The following KRABD3 variants were observed in gnomAD, a reference collection of about 807,000 sequenced individuals.
The protein encoded by KRABD3 is KRAB domain-containing protein 3.
the KRABD3 span, among the ~76,000 whole-genome samples, chr7:149,723,375 C>T: frequency 4.3e-4 from 66 of 152,320 alleles, no homozygotes; most frequent in African/African-American, 1.4e-3. Flanking sequence ...CTCACAGGGC[C>T]GCAGTGAGCT....
chr7:149,731,634 C>G, the KRABD3 span: 1 of 1,493,516 alleles, frequency 6.7e-7, no homozygotes, highest in Admixed American at 1.8e-5. Context: ...GCCAAACGAT[C>G]GTCTCCCTGC....
At chr7:149,728,792 C>T in the KRABD3 span, 11 of 1,166,012 alleles carry the variant, frequency 9.4e-6, no homozygotes, top group Non-Finnish European at 1.2e-5. Flanking sequence ...GGAAACAGAC[C>T]TGGGCAGAGC....
At chr7:149,716,821 A>G in the KRABD3 span, among the ~76,000 whole-genome samples, 2 of 152,172 alleles carry the variant, frequency 1.3e-5, no homozygotes. Flanking sequence ...ATTACTAATC[A>G]TAGCACTTAA....
At chr7:149,720,040 C>G in the KRABD3 span, 1 of 1,551,594 alleles carries the variant, frequency 6.4e-7, no homozygotes, top group Admixed American at 2.0e-5. Flanking sequence ...CTCTGCTTTC[C>G]TGTCACCCTC....
chr7:149,731,593 T>C, the KRABD3 span: 1 of 1,006,768 alleles, frequency 9.9e-7, no homozygotes, highest in Non-Finnish European at 1.5e-6. Flanking sequence ...GAGAGTTTGA[T>C]ATTGTTTTAG....
chr7:149,729,982 T>C, the KRABD3 span: 5 of 1,311,450 alleles, frequency 3.8e-6, no homozygotes, highest in Non-Finnish European at 4.8e-6. Flanking sequence ...GCTTCACTTT[T>C]GTCCTCTTTC....
At chr7:149,718,814 C>T in the KRABD3 span, among the ~76,000 whole-genome samples, 6 of 152,138 alleles carry the variant, frequency 3.9e-5, no homozygotes, top group East Asian at 5.8e-4. Context: ...CACACCCAGC[C>T]GAAGGATTAT....
At chr7:149,734,229 G>T in the KRABD3 span, 3 of 760,368 alleles carry the variant, frequency 3.9e-6, no homozygotes, top group Non-Finnish European at 6.2e-6. Context: ...TCAGGAGGCT[G>T]CTGTGGGGGT....
the KRABD3 span, chr7:149,734,045 T>G: frequency 6.2e-7 from 1 of 1,600,876 alleles, no homozygotes; most frequent in Non-Finnish European, 8.5e-7. Context: ...GGGGGCGCAT[T>G]GATGGCATTC....
At chr7:149,717,806 CT>C in the KRABD3 span, among the ~76,000 whole-genome samples, 1 of 152,200 alleles carries the variant, frequency 6.6e-6, no homozygotes, top group African/African-American at 2.4e-5. Flanking sequence ...GACAACAAGG[CT>C]GCCGGTTAGT....
chr7:149,715,345 A>C, the KRABD3 span: 2 of 1,199,210 alleles, frequency 1.7e-6, no homozygotes, highest in Non-Finnish European at 2.1e-6. Context: ...AAGGCCTCGG[A>C]GGCAGTGAGT....
At chr7:149,733,075 A>C in the KRABD3 span, 13 of 1,108,800 alleles carry the variant, frequency 1.2e-5, no homozygotes, top group East Asian at 3.1e-4. Context: ...GGCCTCACCC[A>C]CCTTCCTTCC....
At chr7:149,716,719 A>C in the KRABD3 span, among the ~76,000 whole-genome samples, 2 of 152,218 alleles carry the variant, frequency 1.3e-5, no homozygotes, top group African/African-American at 4.8e-5. Flanking sequence ...GGAGCGAGAG[A>C]GACACCGGTG....
At chr7:149,722,430 G>A in the KRABD3 span, 35 of 1,605,814 alleles carry the variant, frequency 2.2e-5, no homozygotes, top group Admixed American at 2.7e-4. Context: ...AGAAACTGCC[G>A]ACAAACCGTG....
the KRABD3 span, chr7:149,723,655 A>C: frequency 2.7e-6 from 4 of 1,460,118 alleles, no homozygotes; most frequent in Non-Finnish European, 3.7e-6. Flanking sequence ...ACGCCCTTCT[A>C]ACTTGTCCCC....
chr7:149,734,014 G>A, the KRABD3 span: 1 of 1,609,988 alleles, frequency 6.2e-7, no homozygotes, highest in South Asian at 1.1e-5. Flanking sequence ...TGTGGGGTGG[G>A]GAGCACAGGG....
chr7:149,728,904 G>A, the KRABD3 span, among the ~76,000 whole-genome samples: 2 of 152,230 alleles, frequency 1.3e-5, no homozygotes, highest in Admixed American at 1.3e-4. Flanking sequence ...AGCTGGAGCT[G>A]GCTCCTTGTG....
At chr7:149,734,557 G>T in the KRABD3 span, 1 of 153,814 alleles carries the variant, frequency 6.5e-6, no homozygotes, top group Non-Finnish European at 1.4e-5. Flanking sequence ...TGAAATTAAA[G>T]AAGTGAGTTG....
At chr7:149,730,649 C>A in the KRABD3 span, 1 of 1,503,076 alleles carries the variant, frequency 6.7e-7, no homozygotes, top group Non-Finnish European at 9.0e-7. Context: ...TGAGTCCTGC[C>A]TGTCGCTTTG....
Sources: allele counts gnomAD v4.1 joint callset (sites outside exome capture counted in the v4.1 genomes callset), GRCh38; gene constraint gnomAD v4.1.1; transcripts MANE v1.5; gene names NCBI Gene and HGNC (gene_info 2026-07-23, HGNC 2026-07-21).